The following ARHGAP12 variants were observed in gnomAD, a reference collection of about 807,000 sequenced individuals.
ARHGAP12 encodes Rho GTPase activating protein 12, also known as rho GTPase-activating protein 12.
Under a neutral mutation model 108.6 loss-of-function variants are expected in ARHGAP12, and 64 were observed. The observed-to-expected ratio is 0.59, with a 90% confidence interval of 0.48 to 0.73. The LOEUF (loss-of-function observed/expected upper bound fraction) is 0.73, where lower values mean the gene tolerates loss of function less well. ARHGAP12 is among the 30% of genes least tolerant of loss of function. The probability of loss-of-function intolerance (pLI) is 0.00; values close to 1 mark genes in which losing one functional copy is unlikely to be tolerated. For missense variants in ARHGAP12, 940 were observed against 1,005.9 expected (o/e 0.93, Z 0.89); for synonymous variants, 312 against 337.2 (o/e 0.93, Z 0.82).
intron 4 of ARHGAP12, among the ~76,000 whole-genome samples, chr10:31,856,484 A>T (rs1836891425): frequency 6.6e-6 from 1 of 152,178 alleles, no homozygotes; most frequent in East Asian, 1.9e-4. Flanking sequence ...CCTTTATTCC[A>T]CACTAGGAAC....
At chr10:31,925,724 A>G (rs994411545) in intron 1 of ARHGAP12, among the ~76,000 whole-genome samples, 2 of 152,218 alleles carry the variant, frequency 1.3e-5, no homozygotes, top group Admixed American at 1.3e-4. Context: ...CAATCTGAAA[A>G]TACACTAAGA....
chr10:31,811,847 G>C (rs1440616270), intron 15 of ARHGAP12, among the ~76,000 whole-genome samples: 1 of 151,824 alleles, frequency 6.6e-6, no homozygotes, highest in Non-Finnish European at 1.5e-5. Flanking sequence ...TCTTTGTAGA[G>C]AGAGGGTCTC....
chr10:31,926,430 G>T (rs1840050848), intron 1 of ARHGAP12, among the ~76,000 whole-genome samples: 1 of 151,862 alleles, frequency 6.6e-6, no homozygotes, highest in Non-Finnish European at 1.5e-5. Flanking sequence ...ATGCTATGTC[G>T]TACTACGACA....
chr10:31,831,309 T>C (rs1835824538), intron 10 of ARHGAP12, among the ~76,000 whole-genome samples: 1 of 152,196 alleles, frequency 6.6e-6, no homozygotes, highest in Admixed American at 6.5e-5. Context: ...AATTAATCTC[T>C]ATACATACAA....
At chr10:31,904,416 C>T (rs1002744315) in intron 3 of ARHGAP12, among the ~76,000 whole-genome samples, 13 of 152,050 alleles carry the variant, frequency 8.5e-5, no homozygotes, top group African/African-American at 2.4e-4. Context: ...CAATGGAAAA[C>T]AGATGAGTGG....
chr10:31,872,789 T>C (rs2132339455), intron 3 of ARHGAP12, among the ~76,000 whole-genome samples: 1 of 152,342 alleles, frequency 6.6e-6, no homozygotes, highest in East Asian at 1.9e-4. Flanking sequence ...GGCTCTTAAG[T>C]ACTCCAGTCC....
At chr10:31,922,054 G>T (rs976024131) in intron 1 of ARHGAP12, among the ~76,000 whole-genome samples, 5 of 150,956 alleles carry the variant, frequency 3.3e-5, no homozygotes, top group Admixed American at 1.3e-4. Flanking sequence ...AGCCGGGTGT[G>T]GTTGGCATGT....
At chr10:31,886,318 T>TA (rs1838188085) in intron 3 of ARHGAP12, among the ~76,000 whole-genome samples, 1 of 152,208 alleles carries the variant, frequency 6.6e-6, no homozygotes, top group Non-Finnish European at 1.5e-5. Flanking sequence ...TTCTCAACCA[T>TA]ATTTTCCACA....
At chr10:31,915,485 T>C (rs1000784265) in intron 1 of ARHGAP12, among the ~76,000 whole-genome samples, 6 of 151,652 alleles carry the variant, frequency 4.0e-5, no homozygotes, top group African/African-American at 7.3e-5. Context: ...CATACAATCA[T>C]AGTCAAATAG....
chr10:31,858,335 ACAGCAGCAG>A (rs1409927587), intron 4 of ARHGAP12, among the ~76,000 whole-genome samples: 6 of 152,230 alleles, frequency 3.9e-5, no homozygotes, highest in Non-Finnish European at 8.8e-5. Flanking sequence ...ACAACATATG[ACAGCAGCAG>A]CACAACAGCA....
At chr10:31,808,208 T>C (rs1351264669) in intron 19 of ARHGAP12, among the ~76,000 whole-genome samples, 2 of 142,746 alleles carry the variant, frequency 1.4e-5, no homozygotes, top group Non-Finnish European at 3.1e-5. Flanking sequence ...ACTCATTTTA[T>C]GTAATTTCTT....
At chr10:31,852,370 A>G in intron 6 of ARHGAP12, 147 bp downstream of exon 6, 1 of 675,166 alleles carries the variant, frequency 1.5e-6, no homozygotes, top group Non-Finnish European at 2.6e-6. Context: ...AACTTACACT[A>G]CTCACAGTAT....
intron 1 of ARHGAP12, among the ~76,000 whole-genome samples, chr10:31,919,126 A>C (rs1839683367): frequency 6.6e-6 from 1 of 152,236 alleles, no homozygotes; most frequent in Non-Finnish European, 1.5e-5. Flanking sequence ...CCAGTCACAA[A>C]GGGCAAACAT....
intron 6 of ARHGAP12, among the ~76,000 whole-genome samples, chr10:31,845,975 G>GTTTCCTGTTTCCTGTT (rs1836448612): frequency 6.6e-6 from 1 of 151,892 alleles, no homozygotes; most frequent in Non-Finnish European, 1.5e-5. Context: ...CTTTCCTACC[G>GTTTCCTGTTTCCTGTT]TCCTGTGGGC....
chr10:31,903,185 G>C (rs1390889138), intron 3 of ARHGAP12, among the ~76,000 whole-genome samples: 3 of 152,168 alleles, frequency 2.0e-5, no homozygotes, highest in Non-Finnish European at 4.4e-5. Flanking sequence ...AGATGGTATA[G>C]CCTACTACAC....
intron 3 of ARHGAP12, among the ~76,000 whole-genome samples, chr10:31,885,845 A>G (rs1838169378): frequency 6.6e-6 from 1 of 152,120 alleles, no homozygotes; most frequent in African/African-American, 2.4e-5. Flanking sequence ...TTTAATTAAA[A>G]AAACACAAAC....
chr10:31,907,473 A>AT (rs34637757), intron 3 of ARHGAP12, among the ~76,000 whole-genome samples: 7 of 103,896 alleles, frequency 6.7e-5, no homozygotes, highest in East Asian at 2.0e-4. Flanking sequence ...AAAAAAAAAA[A>AT]TTTTTTTTTA....
chr10:31,925,022 G>A (rs911968788), intron 1 of ARHGAP12, among the ~76,000 whole-genome samples: 1 of 152,158 alleles, frequency 6.6e-6, no homozygotes, highest in Non-Finnish European at 1.5e-5. Flanking sequence ...GTCTCTCGCT[G>A]TGTGACTCTG....
chr10:31,910,605 G>A (rs528038153), intron 1 of ARHGAP12, 42 bp from the exon 2 acceptor site: 4 of 152,284 alleles, frequency 2.6e-5, no homozygotes, highest in East Asian at 3.9e-4. Context: ...AACCAAGATC[G>A]CTGAAGACTA....
Sources: gnomAD v4.1 joint callset for allele counts (sites outside exome capture counted in the v4.1 genomes callset) on GRCh38, gnomAD v4.1.1 for gene constraint, MANE v1.5 for transcripts, NCBI Gene and HGNC (gene_info 2026-07-23, HGNC 2026-07-21) for gene names.